Variants in UBAP2 observed in about 807,000 individuals in gnomAD.
UBAP2 encodes ubiquitin-associated protein 2.
A neutral mutation model predicts 139.6 loss-of-function variants in UBAP2; 75 were observed. The ratio of observed to expected loss-of-function variants is 0.54; its 90% CI spans 0.45 to 0.65. UBAP2 has a LOEUF of 0.65. Ranked by LOEUF, UBAP2 falls within the 30% of genes least tolerant of loss-of-function variation. The probability of loss-of-function intolerance (pLI) is 0.00; values close to 1 mark genes in which losing one functional copy is unlikely to be tolerated. For synonymous variants in UBAP2, 526 were observed against 526.2 expected (o/e 1.00, Z 0.01); for missense variants, 1,368 against 1,369.6 (o/e 1.00, Z 0.02).
At chr9:33,986,694 A>G in intron 6 of UBAP2, 66 bp downstream of exon 6, 1 of 1,337,076 alleles carries the variant, frequency 7.5e-7, no homozygotes, top group South Asian at 1.2e-5. Flanking sequence ...GTCACAGTCC[A>G]GCAACGCAAC....
intron 1 of UBAP2, among the ~76,000 whole-genome samples, chr9:34,035,514 A>AAAAAAAAAAAAAAT: frequency 8.9e-5 from 2 of 22,474 alleles, no homozygotes; most frequent in Non-Finnish European, 2.0e-4. Context: ...AAAAAAAAAA[A>AAAAAAAAAAAAAAT]ATATATATAT....
intron 16 of UBAP2, among the ~76,000 whole-genome samples, chr9:33,939,283 G>A (rs985749495): frequency 7.7e-6 from 1 of 130,502 alleles, no homozygotes; most frequent in South Asian, 2.7e-4. Flanking sequence ...AACCTCCTCC[G>A]CCTCCCAGGT....
At chr9:33,972,177 A>G (rs578089424) in intron 7 of UBAP2, among the ~76,000 whole-genome samples, 4 of 152,218 alleles carry the variant, frequency 2.6e-5, no homozygotes, top group Non-Finnish European at 5.9e-5. Context: ...CCTTTACAGA[A>G]ACATTAGATA....
chr9:33,928,161 G>A, intron 19 of UBAP2, 169 bp from the exon 20 acceptor site: 2 of 618,350 alleles, frequency 3.2e-6, no homozygotes, highest in South Asian at 4.6e-5. Context: ...GCTCACTGCG[G>A]CCCCTCACAT....
intron 14 of UBAP2, among the ~76,000 whole-genome samples, chr9:33,944,035 T>C (rs777195945): frequency 3.3e-5 from 5 of 152,110 alleles, no homozygotes; most frequent in Non-Finnish European, 7.4e-5. Context: ...TACTCTATTT[T>C]TGGGGACTCA....
At chr9:34,042,347 G>A (rs1317649852) in intron 1 of UBAP2, among the ~76,000 whole-genome samples, 7 of 151,718 alleles carry the variant, frequency 4.6e-5, no homozygotes, top group East Asian at 3.9e-4. Context: ...GCGTGGTGGC[G>A]GGCACCTATA....
intron 19 of UBAP2, 40 bp downstream of exon 19, chr9:33,932,518 TCCCC>T: frequency 1.2e-6 from 2 of 1,610,316 alleles, no homozygotes; most frequent in Non-Finnish European, 1.7e-6. Context: ...AGCTCCAGGC[TCCCC>T]AAGCATGGCG....
At chr9:33,991,745 C>T (rs961330160) in intron 4 of UBAP2, among the ~76,000 whole-genome samples, 3 of 152,108 alleles carry the variant, frequency 2.0e-5, no homozygotes, top group African/African-American at 7.2e-5. Flanking sequence ...AAATACTAGA[C>T]AACTGTGTAA....
chr9:33,946,906 CT>C (rs1457046962), intron 13 of UBAP2, among the ~76,000 whole-genome samples: 1 of 152,108 alleles, frequency 6.6e-6, no homozygotes, highest in African/African-American at 2.4e-5. Flanking sequence ...TCAAAAAGGC[CT>C]GCTTGATGAC....
chr9:33,939,968 AAAAAT>A (rs1399284050), intron 16 of UBAP2, among the ~76,000 whole-genome samples: 1 of 123,348 alleles, frequency 8.1e-6, no homozygotes, highest in Non-Finnish European at 1.7e-5. Flanking sequence ...AAGAAGAAGA[AAAAAT>A]AAGGTAGGAG....
At position 33,943,504 on chromosome 9, in the gene UBAP2, T is replaced by C; in HGVS notation, c.1631A>G (p.Glu544Gly). The change falls in exon 15 of 29, where the codon GAA becomes GGA. Residue 544 changes from glutamate (E) to glycine (G), a missense_variant. By Grantham distance (98) the Glu-to-Gly change is moderately conservative. Coordinates refer to ENST00000379238, the MANE Select transcript of UBAP2 (RefSeq NM_001370062.2). Reference sequence around the variant, plus strand: ...TGATCCAAATTCAGAGAGAGAAGGTTCTGACCCAAATTCCAGAGCCCCAAA... The same window carrying C: ...TGATCCAAATTCAGAGAGAGAAGGTCCTGACCCAAATTCCAGAGCCCCAAA... ...VQFGALEFGS[E>G]PSLSEFGSAP... The C allele has an allele frequency of 1.2e-6, 2 of 1,614,240 alleles. No individual in the cohort carries two copies. Among genetic ancestry groups the C allele is most frequent in the South Asian group, 1.1e-5 (1 of 91,090 alleles).
chr9:33,986,862 C>T (rs1821262386), intron 5 of UBAP2, 25 bp from the exon 6 acceptor site: 2 of 1,605,176 alleles, frequency 1.2e-6, no homozygotes, highest in East Asian at 4.5e-5. Flanking sequence ...GCAGAAAAAT[C>T]AAATTTCCAT....
chr9:34,013,306 T>C (rs1485574137), intron 2 of UBAP2, among the ~76,000 whole-genome samples: 6 of 152,152 alleles, frequency 3.9e-5, no homozygotes, highest in Admixed American at 3.9e-4. Flanking sequence ...TCCCAGCACT[T>C]TGGGAGGCGG....
intron 6 of UBAP2, among the ~76,000 whole-genome samples, chr9:33,976,394 G>C (rs1182752220): frequency 6.6e-6 from 1 of 152,158 alleles, no homozygotes; most frequent in Non-Finnish European, 1.5e-5. Context: ...AAGGCGATGG[G>C]GAACCCAAAA....
chr9:33,995,312 A>G (rs540993858), intron 4 of UBAP2: 7 of 150,040 alleles, frequency 4.7e-5, no homozygotes, highest in African/African-American at 1.7e-4. Context: ...AGTCAAGATC[A>G]CACTACTGCA....
chr9:33,932,727 G>T, intron 18 of UBAP2, 99 bp from the exon 19 acceptor site: 1 of 1,295,976 alleles, frequency 7.7e-7, no homozygotes, highest in Non-Finnish European at 1.1e-6. Flanking sequence ...ACTTATCATA[G>T]TCCCTAGCAC....
At chr9:33,955,899 A>G (rs1587558459) in intron 11 of UBAP2, among the ~76,000 whole-genome samples, 180 bp downstream of exon 11, 1 of 152,218 alleles carries the variant, frequency 6.6e-6, no homozygotes, top group Non-Finnish European at 1.5e-5. Flanking sequence ...ATCAGTGGAT[A>G]CATCAATTAG....
intron 2 of UBAP2, among the ~76,000 whole-genome samples, chr9:33,999,992 G>A (rs1822563088): frequency 6.6e-6 from 1 of 151,938 alleles, no homozygotes; most frequent in South Asian, 2.1e-4. Flanking sequence ...CTGTCGCCCA[G>A]GCTGGAGTGC....
At chr9:33,989,203 CTTTTTTT>C (rs34957423) in intron 4 of UBAP2, 77 bp from the exon 5 acceptor site, 496 of 1,187,746 alleles carry the variant, frequency 4.2e-4, no homozygotes, top group Non-Finnish European at 4.7e-4. Context: ...ATGTATCTTT[CTTTTTTT>C]TTTTTTTTTT....
Sources: gnomAD v4.1 joint callset for allele counts (sites outside exome capture counted in the v4.1 genomes callset) on GRCh38, gnomAD v4.1.1 for gene constraint, MANE v1.5 for transcripts, NCBI Gene and HGNC (gene_info 2026-07-23, HGNC 2026-07-21) for gene names.